MAGI2: variants seen among roughly 807,000 people sequenced by gnomAD.
The protein encoded by MAGI2 is membrane-associated guanylate kinase, WW and PDZ domain-containing protein 2.
A neutral mutation model predicts 133.3 loss-of-function variants in MAGI2; 35 were observed. The ratio of observed to expected loss-of-function variants is 0.26; its 90% CI spans 0.20 to 0.35. MAGI2 has a LOEUF of 0.35. MAGI2 is among the 10% of genes least tolerant of loss of function. MAGI2 has a pLI of 1.00. For missense variants in MAGI2, 1,636 were observed against 1,863.4 expected (o/e 0.88, Z 2.25); for synonymous variants, 729 against 710.6 (o/e 1.03, Z -0.41).
At chr7:78,772,110 G>A (rs76325154) in intron 2 of MAGI2, among the ~76,000 whole-genome samples, 1 of 152,204 alleles carries the variant, frequency 6.6e-6, no homozygotes, top group East Asian at 1.9e-4. Context: ...TATGGACCTA[G>A]GCCCTAAAGA....
chr7:78,634,717 A>G (rs1809445303), intron 2 of MAGI2, among the ~76,000 whole-genome samples: 1 of 152,208 alleles, frequency 6.6e-6, no homozygotes, highest in South Asian at 2.1e-4. Flanking sequence ...ACAGCAAAGC[A>G]AGACTCAACA....
At chr7:78,427,380 GA>G (rs1177988847) in intron 6 of MAGI2, among the ~76,000 whole-genome samples, 1 of 152,004 alleles carries the variant, frequency 6.6e-6, no homozygotes, top group Non-Finnish European at 1.5e-5. Context: ...AAGAAAAAGT[GA>G]AAGTAAAAGG....
chr7:79,076,621 C>T (rs185132997), intron 1 of MAGI2, among the ~76,000 whole-genome samples: 4 of 152,200 alleles, frequency 2.6e-5, no homozygotes, highest in East Asian at 3.9e-4. Context: ...ATGCATATCC[C>T]GTTTTCCTGT....
At chr7:78,455,275 C>G (rs1789188811) in intron 6 of MAGI2, among the ~76,000 whole-genome samples, 1 of 152,098 alleles carries the variant, frequency 6.6e-6, no homozygotes, top group South Asian at 2.1e-4. Flanking sequence ...TTTTAGGAAA[C>G]TTGAATTCAG....
intron 2 of MAGI2, among the ~76,000 whole-genome samples, chr7:78,705,851 C>G (rs762912784): frequency 1.7e-4 from 26 of 152,128 alleles, no homozygotes; most frequent in African/African-American, 6.3e-4. Flanking sequence ...TATAAAGATG[C>G]CTTAAACTGT....
chr7:79,361,008 T>C (rs1226429168), intron 1 of MAGI2, among the ~76,000 whole-genome samples: 1 of 151,956 alleles, frequency 6.6e-6, no homozygotes, highest in Non-Finnish European at 1.5e-5. Context: ...TAGATGAAAG[T>C]AAAAAGATGG....
At chr7:78,507,676 G>T (rs1795207905) in intron 4 of MAGI2, among the ~76,000 whole-genome samples, 1 of 152,122 alleles carries the variant, frequency 6.6e-6, no homozygotes, top group Admixed American at 6.6e-5. Context: ...AAATTTTCTA[G>T]GAAGACAGTG....
intron 2 of MAGI2, among the ~76,000 whole-genome samples, chr7:78,670,268 T>C (rs1223208144): frequency 6.6e-6 from 1 of 152,176 alleles, no homozygotes; most frequent in Non-Finnish European, 1.5e-5. Flanking sequence ...AGCATTCTTA[T>C]ACACCAATAA....
At chr7:78,913,916 G>A (rs954871617) in intron 2 of MAGI2, among the ~76,000 whole-genome samples, 1 of 152,140 alleles carries the variant, frequency 6.6e-6, no homozygotes, top group African/African-American at 2.4e-5. Context: ...AAGATTCCAT[G>A]CTCCTACCCT....
intron 13 of MAGI2, among the ~76,000 whole-genome samples, chr7:78,182,321 G>C (rs909335924): frequency 1.3e-5 from 2 of 152,142 alleles, no homozygotes; most frequent in Admixed American, 6.5e-5. Flanking sequence ...AGTTTCTGTT[G>C]CTCAAATCTA....
chr7:79,256,305 C>T (rs1330437818), intron 1 of MAGI2, among the ~76,000 whole-genome samples: 1 of 152,112 alleles, frequency 6.6e-6, no homozygotes, highest in African/African-American at 2.4e-5. Context: ...GAGTTTCCAT[C>T]TTGAATACCA....
At chr7:79,188,647 T>C (rs1423920157) in intron 1 of MAGI2, among the ~76,000 whole-genome samples, 1 of 151,864 alleles carries the variant, frequency 6.6e-6, no homozygotes, top group Admixed American at 6.6e-5. Context: ...AAACAATCAC[T>C]GAGGTCACTT....
chr7:78,037,042 A>G (rs988378422), intron 21 of MAGI2, among the ~76,000 whole-genome samples: 1 of 152,192 alleles, frequency 6.6e-6, no homozygotes, highest in Non-Finnish European at 1.5e-5. Flanking sequence ...AAGGATGAAC[A>G]GAGAACCTGG....
chr7:78,127,388 C>A lies in MAGI2; in HGVS notation c.3232G>T (p.Asp1078Tyr). Residue 1078 changes from aspartate (D) to tyrosine (Y), a missense_variant, in exon 19 of 22, where the codon GAT (aspartate) becomes TAT (tyrosine). Coordinates refer to ENST00000354212, the MANE Select transcript of MAGI2 (RefSeq NM_012301.4). The stretch of plus-strand genomic sequence containing the variant: ...GGCTGTCGGATGTCTGGTTTCACAT[C>A]TTGCCTTGCTTTCACTTCCGACCTG... ...SYRSEVKARQ[D>Y]VKPDIRQPPF... 6.2e-7 allele frequency: 1 copy of A among 1,605,646 alleles called. No homozygotes were observed.
intron 9 of MAGI2, among the ~76,000 whole-genome samples, chr7:78,297,076 C>CAAAT (rs1229131590): frequency 2.6e-5 from 4 of 152,300 alleles, no homozygotes; most frequent in African/African-American, 9.6e-5. Flanking sequence ...AGAAGAATTA[C>CAAAT]AAATAATTTA....
At chr7:78,518,153 T>C (rs578067715) in intron 4 of MAGI2, 1 of 152,282 alleles carries the variant, frequency 6.6e-6, no homozygotes, top group South Asian at 2.1e-4. Flanking sequence ...CTAGGAATTT[T>C]TTATACACAG....
intron 1 of MAGI2, among the ~76,000 whole-genome samples, chr7:79,113,656 T>C (rs779996871): frequency 1.5e-4 from 23 of 152,226 alleles, no homozygotes. Context: ...TCACATCTTA[T>C]AGAGCATGAT....
At chr7:79,059,858 G>C (rs1813539789) in intron 1 of MAGI2, among the ~76,000 whole-genome samples, 1 of 152,048 alleles carries the variant, frequency 6.6e-6, no homozygotes, top group Non-Finnish European at 1.5e-5. Flanking sequence ...TGCTCCTTCT[G>C]CACTCTGATT....
chr7:79,278,080 G>A lies in MAGI2; in HGVS notation c.301+174940C>T, dbSNP rs561062371. Among the ~76,000 whole-genome samples the A allele has an allele frequency of 1.6e-4, 24 of 152,240 alleles. No individual in the cohort carries two copies. In the South Asian group the frequency reaches 4.8e-3, roughly 30 times the overall value. On this transcript the variant is annotated intron_variant, in intron 1 of 21. Coordinates refer to ENST00000354212, the MANE Select transcript of MAGI2 (RefSeq NM_012301.4). ...TCCAGTGTTGGAGGTGGGCCTAGTG[G>A]CAGGTGTTTGGATCAAGGGGGCAGA... is the stretch of plus-strand genomic sequence containing the variant.
Sources: allele counts gnomAD v4.1 joint callset (sites outside exome capture counted in the v4.1 genomes callset), GRCh38; gene constraint gnomAD v4.1.1; transcripts MANE v1.5; gene names NCBI Gene and HGNC (gene_info 2026-07-23, HGNC 2026-07-21).